WDPCP: variants seen among roughly 807,000 people sequenced by gnomAD.
WDPCP encodes WD repeat containing planar cell polarity effector, also known as WD repeat-containing and planar cell polarity effector protein fritz homolog.
In WDPCP, 71 loss-of-function variants were observed where a neutral mutation model predicts 93.1. The observed-to-expected ratio is 0.76, with a 90% CI of 0.63 to 0.93. The LOEUF (loss-of-function observed/expected upper bound fraction) is 0.93, where lower values mean the gene tolerates loss of function less well. WDPCP is among the 40% of genes least tolerant of loss of function. The probability of loss-of-function intolerance (pLI) is 0.00; values close to 1 mark genes in which losing one functional copy is unlikely to be tolerated. For missense variants in WDPCP, 844 were observed against 887.4 expected, an observed-to-expected ratio of 0.95 and a Z score of 0.62; for synonymous variants, 315 against 315.0, an observed-to-expected ratio of 1.00 and a Z score of 0.00.
chr2:63,420,894 G>A (rs1280850043), intron 9 of WDPCP, among the ~76,000 whole-genome samples: 2 of 152,046 alleles, frequency 1.3e-5, no homozygotes, highest in Non-Finnish European at 2.9e-5. Context: ...CATTTAAGTT[G>A]TTTCTAATGT....
chr2:63,575,441 G>A (rs13397857), intron 1 of WDPCP, among the ~76,000 whole-genome samples: 608 of 53,502 alleles, frequency 0.011, 101 homozygotes, highest in Middle Eastern at 0.048. Context: ...TATATACAGT[G>A]TATACACTGT....
At chr2:63,815,809 G>A (rs974906242) in intron 1 of WDPCP, among the ~76,000 whole-genome samples, 1 of 152,118 alleles carries the variant, frequency 6.6e-6, no homozygotes, top group African/African-American at 2.4e-5. Context: ...GGTGATAGCT[G>A]CAAGTACTAA....
At chr2:63,745,375 G>A (rs1029949743) in intron 2 of WDPCP, among the ~76,000 whole-genome samples, 3 of 152,076 alleles carry the variant, frequency 2.0e-5, no homozygotes, top group African/African-American at 4.8e-5. Flanking sequence ...CTGAATGATC[G>A]TATCAACTGG....
intron 2 of WDPCP, chr2:63,752,731 T>C (rs1669903493): frequency 4.4e-6 from 1 of 228,554 alleles, no homozygotes; most frequent in Non-Finnish European, 8.4e-6. Flanking sequence ...TCTTAATCCA[T>C]TTTAGGATTT....
chr2:63,797,380 C>A (rs1237657437), intron 2 of WDPCP, among the ~76,000 whole-genome samples: 1 of 152,076 alleles, frequency 6.6e-6, no homozygotes, highest in African/African-American at 2.4e-5. Context: ...CACCAAGTGG[C>A]TCTTGGGGTT....
intron 2 of WDPCP, among the ~76,000 whole-genome samples, chr2:63,491,451 A>G (rs1267181483): frequency 6.6e-6 from 1 of 152,016 alleles, no homozygotes; most frequent in Non-Finnish European, 1.5e-5. Flanking sequence ...ACTCCCTCAA[A>G]CGTCTATATA....
At chr2:63,683,131 C>T (rs1471097418) in intron 2 of WDPCP, among the ~76,000 whole-genome samples, 1 of 151,904 alleles carries the variant, frequency 6.6e-6, no homozygotes, top group Non-Finnish European at 1.5e-5. Flanking sequence ...ATAATACCAC[C>T]ACAGAAAATC....
At chr2:63,782,740 A>ATGTGTGTGTGTGTGTGTG (rs70965143) in intron 2 of WDPCP, among the ~76,000 whole-genome samples, 5 of 141,130 alleles carry the variant, frequency 3.5e-5, no homozygotes, top group Non-Finnish European at 7.9e-5. Context: ...CACAGGCAAC[A>ATGTGTGTGTGTGTGTGTG]TGTGTGTGTG....
At chr2:63,490,650 T>C (rs1700824143) in intron 2 of WDPCP, among the ~76,000 whole-genome samples, 1 of 152,124 alleles carries the variant, frequency 6.6e-6, no homozygotes, top group African/African-American at 2.4e-5. Context: ...ACTATTCTCA[T>C]GGGGCTACTG....
intron 15 of WDPCP, among the ~76,000 whole-genome samples, chr2:63,169,583 T>C (rs1292748652): frequency 6.6e-6 from 1 of 152,162 alleles, no homozygotes. Context: ...ATCAAATAAC[T>C]TACATAAGCA....
chr2:63,410,987 A>G (rs1298476911), intron 9 of WDPCP, among the ~76,000 whole-genome samples: 1 of 152,228 alleles, frequency 6.6e-6, no homozygotes, highest in Non-Finnish European at 1.5e-5. Context: ...CAGGTCATCA[A>G]GACAGAAAGT....
intron 4 of WDPCP, 70 bp downstream of exon 4, chr2:63,486,472 C>T: frequency 2.1e-6 from 3 of 1,399,590 alleles, no homozygotes; most frequent in Non-Finnish European, 2.9e-6. Context: ...CTCTTTGTTC[C>T]AGATGAATAT....
At chr2:63,362,286 T>TGTGTGTGTGTGTGTGG in intron 12 of WDPCP, among the ~76,000 whole-genome samples, 1 of 121,878 alleles carries the variant, frequency 8.2e-6, no homozygotes, top group African/African-American at 3.4e-5. Context: ...GTTGTGTGTG[T>TGTGTGTGTGTGTGTGG]GTGTGTGTGT....
intron 3 of WDPCP, among the ~76,000 whole-genome samples, chr2:63,621,166 G>C (rs895901432): frequency 6.6e-6 from 1 of 152,026 alleles, no homozygotes; most frequent in Admixed American, 6.5e-5. Context: ...GATGAAAAAT[G>C]AGTTTGACAA....
intron 14 of WDPCP, among the ~76,000 whole-genome samples, chr2:63,182,973 G>T (rs1351335964): frequency 6.6e-6 from 1 of 151,476 alleles, no homozygotes; most frequent in Non-Finnish European, 1.5e-5. Context: ...TTGTATTGTG[G>T]TATCAGTTCT....
At chr2:63,791,775 GA>G (rs1299799547) in intron 2 of WDPCP, among the ~76,000 whole-genome samples, 1 of 152,116 alleles carries the variant, frequency 6.6e-6, no homozygotes, top group Non-Finnish European at 1.5e-5. Context: ...ACGTAGGGTT[GA>G]TCCTAGCTCT....
intron 14 of WDPCP, among the ~76,000 whole-genome samples, chr2:63,187,300 A>AT (rs935676794): frequency 1.3e-5 from 2 of 151,478 alleles, no homozygotes; most frequent in Non-Finnish European, 2.9e-5. Context: ...TCCTATTTTT[A>AT]TTTTTTTTAT....
intron 13 of WDPCP, among the ~76,000 whole-genome samples, chr2:63,311,700 C>G (rs1344243843): frequency 1.3e-5 from 2 of 152,130 alleles, no homozygotes; most frequent in South Asian, 2.1e-4. Flanking sequence ...AACATGGACA[C>G]TTTATATTGT....
chr2:63,530,018 T>C (rs921367213), intron 1 of WDPCP, among the ~76,000 whole-genome samples: 4 of 152,234 alleles, frequency 2.6e-5, no homozygotes, highest in African/African-American at 9.6e-5. Flanking sequence ...TGATGGTAGT[T>C]TGTATTTCTG....
Sources: allele counts gnomAD v4.1 joint callset (sites outside exome capture counted in the v4.1 genomes callset), GRCh38; gene constraint gnomAD v4.1.1; transcripts MANE v1.5; gene names NCBI Gene and HGNC (gene_info 2026-07-23, HGNC 2026-07-21).